MSRB3: variants seen among roughly 807,000 people sequenced by gnomAD.
MSRB3 encodes methionine-R-sulfoxide reductase B3.
Under a neutral mutation model 21.0 loss-of-function variants are expected in MSRB3, and 13 were observed. That is an observed-to-expected ratio of 0.62 (90% confidence interval 0.40 to 0.98). The LOEUF (loss-of-function observed/expected upper bound fraction) is 0.98, where lower values mean the gene tolerates loss of function less well. MSRB3 is among the 50% of genes least tolerant of loss of function. The pLI, the probability that MSRB3 is intolerant of heterozygous loss-of-function variation, is 0.00. For missense variants in MSRB3, 199 were observed against 230.3 expected (o/e 0.86, Z 0.88); for synonymous variants, 87 against 88.6 (o/e 0.98, Z 0.10).
intron 5 of MSRB3, among the ~76,000 whole-genome samples, chr12:65,437,172 G>A (rs750022108): frequency 2.0e-5 from 3 of 151,788 alleles, no homozygotes; most frequent in African/African-American, 4.8e-5. Flanking sequence ...CGTGGACTAA[G>A]GGGCCAGAGA....
intron 4 of MSRB3, among the ~76,000 whole-genome samples, chr12:65,346,854 A>G (rs1417307171): frequency 6.6e-6 from 1 of 152,094 alleles, no homozygotes; most frequent in African/African-American, 2.4e-5. Context: ...TCCTTTCCCC[A>G]TTTCTTGTTT....
intron 3 of MSRB3, among the ~76,000 whole-genome samples, chr12:65,328,118 C>G (rs535641002): frequency 6.6e-6 from 1 of 152,216 alleles, no homozygotes; most frequent in Non-Finnish European, 1.5e-5. Flanking sequence ...TATTCCTTTT[C>G]AAACCAAAAA....
intron 1 of MSRB3, among the ~76,000 whole-genome samples, chr12:65,294,077 G>GTTAA (rs1872811846): frequency 2.0e-5 from 3 of 152,168 alleles, no homozygotes; most frequent in Admixed American, 2.0e-4. Flanking sequence ...TCCAGGCAGT[G>GTTAA]CCCCCAGTAT....
At chr12:65,357,524 C>A (rs192189144) in intron 4 of MSRB3, among the ~76,000 whole-genome samples, 1 of 151,884 alleles carries the variant, frequency 6.6e-6, no homozygotes, top group Non-Finnish European at 1.5e-5. Flanking sequence ...AATATTGGTA[C>A]GTAATTATTA....
intron 5 of MSRB3, among the ~76,000 whole-genome samples, chr12:65,413,523 C>T (rs1390995117): frequency 6.6e-6 from 1 of 152,030 alleles, no homozygotes; most frequent in Non-Finnish European, 1.5e-5. Flanking sequence ...AGCTTATTCT[C>T]TTCTTTTGCT....
At chr12:65,347,189 T>G (rs1876576221) in intron 4 of MSRB3, among the ~76,000 whole-genome samples, 1 of 152,208 alleles carries the variant, frequency 6.6e-6, no homozygotes, top group African/African-American at 2.4e-5. Context: ...ATGGGCATTT[T>G]CACGATATTG....
chr12:65,400,622 C>T (rs911001244), intron 5 of MSRB3, among the ~76,000 whole-genome samples: 13 of 152,076 alleles, frequency 8.5e-5, no homozygotes, highest in Non-Finnish European at 1.5e-4. Flanking sequence ...CAGTTCTGCT[C>T]GGATCTTAGT....
intron 5 of MSRB3, among the ~76,000 whole-genome samples, chr12:65,370,344 T>C (rs1878249364): frequency 6.6e-6 from 1 of 152,180 alleles, no homozygotes; most frequent in Non-Finnish European, 1.5e-5. Flanking sequence ...AGTGTAATTT[T>C]ACCTAAAAAT....
chr12:65,444,574 C>T (rs985687735), intron 5 of MSRB3, among the ~76,000 whole-genome samples: 2 of 152,058 alleles, frequency 1.3e-5, no homozygotes, highest in African/African-American at 4.8e-5. Flanking sequence ...GTGATAGGGA[C>T]CTTGATTCCA....
intron 5 of MSRB3, among the ~76,000 whole-genome samples, chr12:65,369,869 C>A (rs1227475257): frequency 6.6e-6 from 1 of 152,110 alleles, no homozygotes; most frequent in Non-Finnish European, 1.5e-5. Context: ...TACTCTGGTT[C>A]AAGTTTCACT....
intron 6 of MSRB3, among the ~76,000 whole-genome samples, chr12:65,456,631 CT>C (rs1317579309): frequency 5.3e-5 from 8 of 152,220 alleles, no homozygotes; most frequent in Non-Finnish European, 1.0e-4. Flanking sequence ...GACCTGCTCC[CT>C]TTTGGCTTCT....
At chr12:65,442,383 A>G (rs1341579546) in intron 5 of MSRB3, among the ~76,000 whole-genome samples, 14 of 152,188 alleles carry the variant, frequency 9.2e-5, no homozygotes, top group African/African-American at 3.4e-4. Context: ...TAGAGTCCCA[A>G]ATAATGCTTT....
At chr12:65,395,164 A>G (rs1879708665) in intron 5 of MSRB3, among the ~76,000 whole-genome samples, 1 of 152,194 alleles carries the variant, frequency 6.6e-6, no homozygotes, top group East Asian at 1.9e-4. Flanking sequence ...AGATGATATG[A>G]TCTTGTATAT....
chr12:65,421,283 A>G (rs150021768), intron 5 of MSRB3, among the ~76,000 whole-genome samples: 1,873 of 152,102 alleles, frequency 0.012, 44 homozygotes, highest in African/African-American at 0.043. Flanking sequence ...GTCTGTTCAT[A>G]TCCTTTGCCC....
At chr12:65,454,092 C>A in intron 6 of MSRB3, 2 of 617,312 alleles carry the variant, frequency 3.2e-6, no homozygotes, top group Non-Finnish European at 5.8e-6. Context: ...AAGACGAGTC[C>A]GGGCAACCTA....
chr12:65,346,063 A>G (rs1876482343), intron 4 of MSRB3, among the ~76,000 whole-genome samples: 1 of 152,122 alleles, frequency 6.6e-6, no homozygotes, highest in Non-Finnish European at 1.5e-5. Flanking sequence ...ATGTGTCTTT[A>G]TAGCAGCATG....
intron 5 of MSRB3, among the ~76,000 whole-genome samples, chr12:65,389,891 T>C (rs1049277692): frequency 6.6e-6 from 1 of 152,238 alleles, no homozygotes; most frequent in Admixed American, 6.5e-5. Context: ...CAATTTCAGG[T>C]TGCCCCTTGG....
intron 5 of MSRB3, among the ~76,000 whole-genome samples, chr12:65,438,276 T>C (rs1882211613): frequency 6.6e-6 from 1 of 151,858 alleles, no homozygotes; most frequent in African/African-American, 2.4e-5. Flanking sequence ...ATTTGTTGCC[T>C]AGAAGATCAA....
chr12:65,425,132 G>T (rs925733144), intron 5 of MSRB3, among the ~76,000 whole-genome samples: 2 of 36,932 alleles, frequency 5.4e-5, no homozygotes, highest in Non-Finnish European at 5.9e-5. Context: ...TCATTTTACA[G>T]TTTTTGACTT....
Sources: gnomAD v4.1 joint callset for allele counts (sites outside exome capture counted in the v4.1 genomes callset) on GRCh38, gnomAD v4.1.1 for gene constraint, MANE v1.5 for transcripts, NCBI Gene and HGNC (gene_info 2026-07-23, HGNC 2026-07-21) for gene names.